Variants in ATG14 observed in about 807,000 individuals in gnomAD.
The protein encoded by ATG14 is autophagy related 14, also known as beclin 1-associated autophagy-related key regulator.
In ATG14, 35 loss-of-function variants were observed where a neutral mutation model predicts 60.4. The observed-to-expected ratio is 0.58, with a 90% CI of 0.44 to 0.77. The LOEUF is 0.77. Ranked by LOEUF, ATG14 falls within the 30% of genes least tolerant of loss-of-function variation. ATG14 has a pLI of 0.00. For missense variants in ATG14, 647 were observed against 626.3 expected (o/e 1.03, Z -0.35); for synonymous variants, 234 against 228.8 (o/e 1.02, Z -0.21).
intron 9 of ATG14, among the ~76,000 whole-genome samples, chr14:55,373,804 CAAA>C (rs71705938): frequency 3.5e-4 from 48 of 135,248 alleles, no homozygotes; most frequent in South Asian, 9.6e-4. Flanking sequence ...AAATTTGTTT[CAAA>C]AAAAAAAAAA....
chr14:55,383,701 G>A (rs1566580054), intron 5 of ATG14, among the ~76,000 whole-genome samples: 1 of 152,014 alleles, frequency 6.6e-6, no homozygotes, highest in Non-Finnish European at 1.5e-5. Flanking sequence ...CTCACGAATG[G>A]TGCTATAATC....
rs1566585778 is a variant in ATG14, at chr14:55,402,961, ATATATAT to A, written c.222-5534_222-5528del. ...TATATATATATATATATATATATAT[ATATATAT>A]AAATAGCTGGGCATAGTGGTGCATG... On this transcript the variant is annotated intron_variant, in intron 1 of 9. Coordinates refer to ENST00000247178, the MANE Select transcript of ATG14 (RefSeq NM_014924.5). 1.3e-3 allele frequency among the ~76,000 whole-genome samples: 98 copies of A among 76,740 alleles called. 2 individuals are homozygous for A. Among genetic ancestry groups the A allele is most frequent in the Non-Finnish European group, 1.9e-3 (69 of 35,470 alleles). The allele number at this position is 76,740 out of a possible 152,430, so 50.3% of individuals were successfully genotyped here.
At chr14:55,384,014 C>G (rs1202560529) in intron 5 of ATG14, among the ~76,000 whole-genome samples, 1 of 152,190 alleles carries the variant, frequency 6.6e-6, no homozygotes, top group African/African-American at 2.4e-5. Flanking sequence ...TCTGCCACAA[C>G]ATACGTATAA....
At chr14:55,405,889 C>CG (rs938062536) in intron 1 of ATG14, among the ~76,000 whole-genome samples, 5,025 of 39,734 alleles carry the variant, frequency 0.13, 116 homozygotes, top group South Asian at 0.18. Context: ...GGTGGGGTGG[C>CG]GGGGGGGGCA....
intron 3 of ATG14, among the ~76,000 whole-genome samples, chr14:55,392,463 C>T (rs975523443): frequency 3.3e-5 from 5 of 152,072 alleles, no homozygotes; most frequent in African/African-American, 1.2e-4. Flanking sequence ...GCCTGGGCAA[C>T]ATGGCGAAAC....
At chr14:55,381,625 G>A (rs547691327) in intron 6 of ATG14, among the ~76,000 whole-genome samples, 2 of 152,244 alleles carry the variant, frequency 1.3e-5, no homozygotes, top group East Asian at 3.9e-4. Context: ...AAAACATTAC[G>A]CTAAGTGAAA....
intron 6 of ATG14, among the ~76,000 whole-genome samples, 186 bp from the exon 7 acceptor site, chr14:55,380,876 T>TATCTATATA (rs1555341864): frequency 1.2e-5 from 1 of 84,380 alleles, no homozygotes; most frequent in Non-Finnish European, 2.1e-5. Context: ...TATATATATA[T>TATCTATATA]TTTTTTTTTT....
intron 6 of ATG14, 48 bp from the exon 7 acceptor site, chr14:55,380,738 AACT>A (rs770107215): frequency 8.0e-6 from 10 of 1,253,840 alleles, no homozygotes; most frequent in Non-Finnish European, 1.1e-5. Context: ...ATTCCAACAA[AACT>A]ACTAATAATC....
chr14:55,373,010 G>GGTCCTGGC (rs1555341400), intron 9 of ATG14, among the ~76,000 whole-genome samples: 3 of 151,670 alleles, frequency 2.0e-5, no homozygotes, highest in East Asian at 1.9e-4. Flanking sequence ...AGAGCAGGAG[G>GGTCCTGGC]AGAGGCCCCT....
At chr14:55,380,875 A>ATATATATATATTTTTTTT (rs377330757) in intron 6 of ATG14, among the ~76,000 whole-genome samples, 185 bp from the exon 7 acceptor site, 48 of 112,674 alleles carry the variant, frequency 4.3e-4, no homozygotes, top group Non-Finnish European at 7.3e-4. Flanking sequence ...ATATATATAT[A>ATATATATATATTTTTTTT]TTTTTTTTTT....
chr14:55,402,647 AT>A (rs1885416182), intron 1 of ATG14, among the ~76,000 whole-genome samples: 2 of 151,780 alleles, frequency 1.3e-5, no homozygotes, highest in African/African-American at 4.8e-5. Flanking sequence ...GGCAAATAAG[AT>A]TTAAAAACCT....
At chr14:55,405,158 T>G (rs1455243478) in intron 1 of ATG14, among the ~76,000 whole-genome samples, 2 of 152,222 alleles carry the variant, frequency 1.3e-5, no homozygotes, top group African/African-American at 4.8e-5. Context: ...TGTAGAGCTT[T>G]TGTTCTGCTG....
chr14:55,395,904 T>TA, intron 3 of ATG14, 36 bp downstream of exon 3: 1 of 1,460,682 alleles, frequency 6.8e-7, no homozygotes, highest in Non-Finnish European at 9.1e-7. Context: ...TAAAAACATG[T>TA]AGCCTCAAGT....
chr14:55,397,403 G>C lies in ATG14; in HGVS notation c.253C>G (p.Leu85Val), dbSNP rs1566584262. 3.1e-6 allele frequency: 5 copies of C among 1,613,612 alleles called. No homozygotes were observed. The highest frequency in any genetic ancestry group is 3.3e-4 in the Middle Eastern group (2 of 6,060). The part of the protein sequence containing the change: ...FIDKKERLSR[L>V]KSKQEEFQKE... ...TGAAATTCTTCTTGCTTGCTCTTAAGTCGGCTTAACCTTTCCTTCTTGTCG... is the reference window on the plus strand; with the variant it reads ...TGAAATTCTTCTTGCTTGCTCTTAACTCGGCTTAACCTTTCCTTCTTGTCG... Residue 85 changes from leucine (L) to valine (V), a missense_variant, in exon 2 of 10, where the codon CTT (leucine) becomes GTT (valine). By Grantham distance (32) the Leu-to-Val change is conservative. Coordinates refer to ENST00000247178, the MANE Select transcript of ATG14 (RefSeq NM_014924.5).
intron 3 of ATG14, chr14:55,395,244 G>A (rs1885293089): frequency 8.4e-6 from 3 of 357,572 alleles, no homozygotes; most frequent in South Asian, 4.9e-5. Flanking sequence ...CCTGGCTGCA[G>A]GGAAGGCGTG....
At chr14:55,380,500 G>T in intron 7 of ATG14, 73 bp downstream of exon 7, 3 of 979,418 alleles carry the variant, frequency 3.1e-6, no homozygotes, top group African/African-American at 1.6e-5. Flanking sequence ...TTGGTTTATT[G>T]GAATAAATAA....
intron 4 of ATG14, among the ~76,000 whole-genome samples, 157 bp downstream of exon 4, chr14:55,390,754 A>C (rs1430145807): frequency 1.3e-5 from 2 of 152,168 alleles, no homozygotes; most frequent in African/African-American, 2.4e-5. Flanking sequence ...TCCTTATACA[A>C]ATGTTTTACA....
intron 9 of ATG14, among the ~76,000 whole-genome samples, chr14:55,373,992 C>G (rs542669853): frequency 6.6e-6 from 1 of 152,210 alleles, no homozygotes; most frequent in East Asian, 1.9e-4. Flanking sequence ...TTAGATGTGA[C>G]TCACAGCCTA....
rs1057148865 is a variant in ATG14, at chr14:55,369,551, T to C, written c.*68A>G. 7 of 1,326,200 alleles carry C rather than the reference T, an allele frequency of 5.3e-6. No individual in the cohort carries two copies. The African/African-American group carries it at 1.0e-4, about 19-fold the overall frequency. The allele number at this position is 1,326,200 out of a possible 1,614,324, so 82.2% of individuals were successfully genotyped here. On this transcript the variant is annotated 3_prime_UTR_variant, in exon 10 of 10. Coordinates refer to ENST00000247178, the MANE Select transcript of ATG14 (RefSeq NM_014924.5). ...ACACTATCTTAACTTAAACAGAAAA[T>C]GTTTACTAGAGTGTAGTGGGAGAAG...
Sources: allele counts gnomAD v4.1 joint callset (sites outside exome capture counted in the v4.1 genomes callset), GRCh38; gene constraint gnomAD v4.1.1; transcripts MANE v1.5; gene names NCBI Gene and HGNC (gene_info 2026-07-23, HGNC 2026-07-21).